The following MALRD1 variants were observed in gnomAD, a reference collection of about 807,000 sequenced individuals.
The protein encoded by MALRD1 is MAM and LDL receptor class A domain containing 1.
Under a neutral mutation model 242.1 loss-of-function variants are expected in MALRD1, and 247 were observed. The observed-to-expected ratio is 1.02, with a 90% CI of 0.92 to 1.13. The LOEUF is 1.13. MALRD1 is among the 50% of genes most tolerant of loss of function. The probability of loss-of-function intolerance (pLI) is 0.00; values close to 1 mark genes in which losing one functional copy is unlikely to be tolerated. For synonymous variants in MALRD1, 995 were observed against 866.6 expected (o/e 1.15, Z -2.60); for missense variants, 2,989 against 2,533.1 (o/e 1.18, Z -3.86).
chr10:19,166,049 T>C (rs901383356), intron 13 of MALRD1, among the ~76,000 whole-genome samples: 4 of 152,202 alleles, frequency 2.6e-5, no homozygotes, highest in Non-Finnish European at 4.4e-5. Context: ...AAACACATGA[T>C]CTGTGATGAG....
intron 36 of MALRD1, among the ~76,000 whole-genome samples, chr10:19,643,441 C>T (rs571968372): frequency 7.9e-5 from 12 of 151,796 alleles, no homozygotes; most frequent in African/African-American, 1.7e-4. Flanking sequence ...AAAGAAACTC[C>T]GTCTCAAAAA....
rs1487114939 is a variant in MALRD1 at position 19,347,862 on chromosome 10, C to G, written c.3993C>G (p.Ser1331Arg). 1 of 1,550,398 alleles carries G rather than the reference C, an allele frequency of 6.4e-7. No homozygotes were observed. The highest frequency in any genetic ancestry group is 8.7e-7 in the Non-Finnish European group (1 of 1,146,860). ...DEDFDWNLKA[S>R]SIPAAGTEPA... ...ACTTTGACTGGAACCTGAAAGCTAG[C>G]AGCATCCCTGCAGCAGGCACAGAGC... Residue 1331 changes from serine (S) to arginine (R), a missense_variant, in exon 25 of 40, where the codon AGC becomes AGG. Physicochemically the swap from Ser to Arg is moderately radical, Grantham distance 110. Transcript: ENST00000454679.
chr10:19,538,972 A>G (rs1019658846), intron 32 of MALRD1, among the ~76,000 whole-genome samples: 1 of 152,178 alleles, frequency 6.6e-6, no homozygotes, highest in Non-Finnish European at 1.5e-5. Flanking sequence ...ATAGGATAAG[A>G]CATTTAGCAT....
At chr10:19,624,973 G>A (rs1443623708) in intron 36 of MALRD1, among the ~76,000 whole-genome samples, 1 of 151,972 alleles carries the variant, frequency 6.6e-6, no homozygotes, top group Non-Finnish European at 1.5e-5. Context: ...GGCAGAAGTG[G>A]GAGGATTGCT....
chr10:19,259,678 C>A (rs1369421813), intron 19 of MALRD1, among the ~76,000 whole-genome samples: 21 of 152,080 alleles, frequency 1.4e-4, no homozygotes, highest in Admixed American at 1.4e-3. Flanking sequence ...AGGGACACAG[C>A]CAAACCATGT....
chr10:19,440,278 T>C (rs1316769443), intron 28 of MALRD1, among the ~76,000 whole-genome samples: 1 of 152,208 alleles, frequency 6.6e-6, no homozygotes, highest in Non-Finnish European at 1.5e-5. Flanking sequence ...TTCTGTTTCA[T>C]ATTTTTTCAA....
chr10:19,126,710 T>A (rs919924293), intron 7 of MALRD1, among the ~76,000 whole-genome samples: 26 of 152,152 alleles, frequency 1.7e-4, no homozygotes, highest in African/African-American at 6.0e-4. Context: ...TATTATTTTT[T>A]ATTTTTTTTT....
intron 13 of MALRD1, among the ~76,000 whole-genome samples, chr10:19,169,021 A>G (rs551222837): frequency 6.6e-6 from 1 of 152,338 alleles, no homozygotes; most frequent in South Asian, 2.1e-4. Flanking sequence ...AGACAGCCCT[A>G]TAATATCCAA....
At chr10:19,445,644 C>T (rs994337646) in intron 28 of MALRD1, among the ~76,000 whole-genome samples, 3 of 152,206 alleles carry the variant, frequency 2.0e-5, no homozygotes, top group Non-Finnish European at 4.4e-5. Context: ...GCAAATGGTG[C>T]TGCCTGATCG....
intron 10 of MALRD1, among the ~76,000 whole-genome samples, chr10:19,144,883 T>C (rs1040946893): frequency 1.3e-5 from 2 of 152,080 alleles, no homozygotes; most frequent in African/African-American, 2.4e-5. Flanking sequence ...TGGAACTCAG[T>C]GGTAGTTTGG....
chr10:19,115,740 G>T (rs1462074727), intron 5 of MALRD1, among the ~76,000 whole-genome samples: 1 of 152,100 alleles, frequency 6.6e-6, no homozygotes, highest in Admixed American at 6.6e-5. Context: ...GCCAGGTGTG[G>T]TGGCACATAC....
chr10:19,734,100 G>A (rs1835399531), intron 39 of MALRD1, 57 bp from the exon 40 acceptor site: 3 of 1,370,528 alleles, frequency 2.2e-6, no homozygotes, highest in Admixed American at 2.1e-5. Context: ...TCTTTAAAGA[G>A]TTTTCTTATC....
chr10:19,632,790 G>A (rs529256595), intron 36 of MALRD1, among the ~76,000 whole-genome samples: 8 of 152,184 alleles, frequency 5.3e-5, no homozygotes, highest in Non-Finnish European at 1.2e-4. Context: ...ATTTTCCTAA[G>A]AAATATGCTG....
At chr10:19,674,909 A>C (rs1020634852) in intron 36 of MALRD1, among the ~76,000 whole-genome samples, 2 of 152,002 alleles carry the variant, frequency 1.3e-5, no homozygotes, top group Admixed American at 6.6e-5. Flanking sequence ...TAACAGCTTG[A>C]AAAAAAGGAA....
chr10:19,571,004 G>A (rs560991890), intron 33 of MALRD1, among the ~76,000 whole-genome samples: 67 of 152,136 alleles, frequency 4.4e-4, no homozygotes, highest in African/African-American at 1.6e-3. Context: ...GAAGTTATTT[G>A]TTGGAATTAT....
chr10:19,463,734 T>C (rs1016850343), intron 29 of MALRD1, among the ~76,000 whole-genome samples: 1 of 152,166 alleles, frequency 6.6e-6, no homozygotes, highest in African/African-American at 2.4e-5. Context: ...AGATACCCAG[T>C]AGTGGGATTG....
At chr10:19,394,491 C>T (rs1323294663) in intron 28 of MALRD1, among the ~76,000 whole-genome samples, 2 of 152,240 alleles carry the variant, frequency 1.3e-5, no homozygotes, top group African/African-American at 4.8e-5. Flanking sequence ...AAGCTAGCTT[C>T]CTTTGATTAC....
At chr10:19,236,571 A>G (rs927442043) in intron 18 of MALRD1, among the ~76,000 whole-genome samples, 3 of 152,082 alleles carry the variant, frequency 2.0e-5, no homozygotes, top group Non-Finnish European at 2.9e-5. Context: ...TCTCACTCTT[A>G]CTTCCTAAGT....
chr10:19,244,424 A>T (rs1838948307), intron 18 of MALRD1, among the ~76,000 whole-genome samples: 1 of 152,078 alleles, frequency 6.6e-6, no homozygotes, highest in South Asian at 2.1e-4. Flanking sequence ...TAAAAATATT[A>T]GCTGGATATG....
Sources: allele counts gnomAD v4.1 joint callset (sites outside exome capture counted in the v4.1 genomes callset), GRCh38; gene constraint gnomAD v4.1.1; transcripts MANE v1.5; gene names NCBI Gene and HGNC (gene_info 2026-07-23, HGNC 2026-07-21).